ZFYVE1: variants seen among roughly 807,000 people sequenced by gnomAD.
ZFYVE1 encodes the protein zinc finger FYVE domain-containing protein 1.
ZFYVE1 carries 30 observed loss-of-function variants against 74.4 expected under a neutral mutation model. The observed-to-expected ratio is 0.40, with a 90% CI of 0.30 to 0.55. ZFYVE1 has a LOEUF of 0.55. Ranked by LOEUF, ZFYVE1 falls within the 20% of genes least tolerant of loss-of-function variation. The pLI is 0.42. For missense variants in ZFYVE1, 703 were observed against 1,011.6 expected (o/e 0.69, Z 4.14); for synonymous variants, 335 against 385.1 (o/e 0.87, Z 1.52).
chr14:72,985,612 G>A (rs4903084), intron 4 of ZFYVE1, among the ~76,000 whole-genome samples: 37,952 of 151,502 alleles, frequency 0.25, 5,494 homozygotes, highest in African/African-American at 0.39. Context: ...GGTTACAGGC[G>A]TGAGCCACCG....
At chr14:72,981,388 G>A (rs569149361) in intron 5 of ZFYVE1, among the ~76,000 whole-genome samples, 1 of 152,032 alleles carries the variant, frequency 6.6e-6, no homozygotes, top group South Asian at 2.1e-4. Flanking sequence ...GTTTTGCACA[G>A]GGGGGGCACT....
chr14:73,016,212 C>G (rs12897762), intron 2 of ZFYVE1, among the ~76,000 whole-genome samples: 42,351 of 152,078 alleles, frequency 0.28, 6,738 homozygotes, highest in Middle Eastern at 0.39. Flanking sequence ...TTTATTATGA[C>G]CTCTAAATAA....
chr14:72,977,806 A>C lies in ZFYVE1; in HGVS notation c.1635+121T>G, dbSNP rs551433150. The C allele has an allele frequency of 3.6e-6, 4 of 1,101,352 alleles. No individual in the cohort carries two copies. In the South Asian group the frequency reaches 4.9e-5, roughly 14 times the overall value. The allele number at this position is 1,101,352 out of a possible 1,614,324, so 68.2% of individuals were successfully genotyped here. ...AAGCTCTCCAGATCATGCCTTTCTA[A>C]ACCGCCAACATTCTGAAATTCATGG... is the stretch of plus-strand genomic sequence containing the variant. On this transcript the variant is annotated intron_variant, in intron 8 of 11. Coordinates refer to ENST00000556143, the MANE Select transcript of ZFYVE1 (RefSeq NM_021260.4).
chr14:73,011,664 C>T (rs564551326), intron 2 of ZFYVE1, among the ~76,000 whole-genome samples: 5 of 151,010 alleles, frequency 3.3e-5, no homozygotes, highest in South Asian at 4.2e-4. Context: ...GGATTACAGG[C>T]GCCTACCACC....
At chr14:73,012,973 T>C (rs1030961550) in intron 2 of ZFYVE1, among the ~76,000 whole-genome samples, 1 of 152,162 alleles carries the variant, frequency 6.6e-6, no homozygotes, top group African/African-American at 2.4e-5. Flanking sequence ...AATTCTGGAT[T>C]GCTCAGGATC....
chr14:73,010,768 T>TAA lies in ZFYVE1; in HGVS notation c.484-12455_484-12454dup, dbSNP rs35771113. The stretch of plus-strand genomic sequence containing the variant: ...CTGGGTGACAGAGCAAGACTCCATC[T>TAA]AAAAAAAAAAAAAAAAAAAAAAAAC... On this transcript the variant is annotated intron_variant, in intron 2 of 11. Coordinates refer to ENST00000556143, the MANE Select transcript of ZFYVE1 (RefSeq NM_021260.4). Among the ~76,000 whole-genome samples the TAA allele has an allele frequency of 1.9e-3, 110 of 58,910 alleles. 2 individuals carry two copies. Among genetic ancestry groups the TAA allele is most frequent in the African/African-American group, 6.4e-3 (81 of 12,728 alleles). 38.6% of individuals were successfully genotyped at this position (58,910 alleles called of 152,430 possible). A position where few individuals can be genotyped will look rare whatever the true frequency, so the allele number is the denominator to read the frequency against.
Position 72,970,621 on chromosome 14 carries a change from A to G in ZFYVE1, c.*261T>C, listed in dbSNP as rs1893007219. On this transcript the variant is annotated 3_prime_UTR_variant, in exon 12 of 12. Coordinates refer to ENST00000556143, the MANE Select transcript of ZFYVE1 (RefSeq NM_021260.4). ...ATGAGAGAGAGATATACACATATAT[A>G]TTCATTATTTTTAACTGAAATAAAT... is the stretch of plus-strand genomic sequence containing the variant. 4 of 536,470 alleles carry G rather than the reference A, an allele frequency of 7.5e-6. No individual in the cohort carries two copies. The highest frequency in any genetic ancestry group is 3.4e-6 in the Non-Finnish European group (1 of 297,768). 33.2% of individuals were successfully genotyped at this position (536,470 alleles called of 1,614,324 possible). A position where few individuals can be genotyped will look rare whatever the true frequency, so the allele number is the denominator to read the frequency against.
chr14:72,990,762 C>T (rs1045457953), intron 4 of ZFYVE1, among the ~76,000 whole-genome samples: 3 of 130,222 alleles, frequency 2.3e-5, no homozygotes, highest in African/African-American at 8.6e-5. Context: ...CAGTGGCGCA[C>T]TGTACTCGGC....
intron 5 of ZFYVE1, among the ~76,000 whole-genome samples, chr14:72,981,141 G>A (rs1758872735): frequency 6.6e-6 from 1 of 152,214 alleles, no homozygotes; most frequent in African/African-American, 2.4e-5. Flanking sequence ...CACAATTGAA[G>A]TTTCGGAAGC....
chr14:72,983,453 T>C (rs1567348956), intron 4 of ZFYVE1, among the ~76,000 whole-genome samples: 1 of 150,240 alleles, frequency 6.7e-6, no homozygotes, highest in Non-Finnish European at 1.5e-5. Context: ...CATGCGGTGT[T>C]TGGTTTTTTG....
At chr14:72,991,547 C>T (rs186490272) in intron 4 of ZFYVE1, among the ~76,000 whole-genome samples, 36 of 152,002 alleles carry the variant, frequency 2.4e-4, no homozygotes, top group Admixed American at 2.4e-3. Context: ...AAAGGAGCTG[C>T]TATAATCCAG....
chr14:73,024,562 C>T lies in ZFYVE1; in HGVS notation c.-54G>A, dbSNP rs80259615. On this transcript the variant is annotated 5_prime_UTR_variant, in exon 2 of 12. Transcript: ENST00000556143. ...CATATAATAGTCACTGAGCTTGCCCCGGGGGTGAAGACGAAGATTTGAGTC... is the reference window on the plus strand; with the variant it reads ...CATATAATAGTCACTGAGCTTGCCCTGGGGGTGAAGACGAAGATTTGAGTC... 0.089 allele frequency: 136,404 copies of T among 1,524,072 alleles called. 6,972 individuals are homozygous for T. Among genetic ancestry groups the T allele is most frequent in the South Asian group, 0.18 (13,404 of 75,746 alleles). 94.4% of individuals were successfully genotyped at this position (1,524,072 alleles called of 1,614,324 possible). A position where few individuals can be genotyped will look rare whatever the true frequency, so the allele number is the denominator to read the frequency against.
Position 72,998,106 on chromosome 14 carries a change from T to G in ZFYVE1, c.693A>C (p.Val231=). ...GGAGCCCTTCCGTATCGATCACTGC[T>G]ACTTTGTGAACTGGGTCATAGGCTG... is the stretch of plus-strand genomic sequence containing the variant. ...VWAAYDPVHK[V]AVIDTEGLLG... Residue 231 remains valine, a synonymous_variant, in exon 3 of 12, where the codon GTA becomes GTC. Coordinates refer to ENST00000556143, the MANE Select transcript of ZFYVE1 (RefSeq NM_021260.4). The G allele has an allele frequency of 1.2e-6, 2 of 1,614,066 alleles. No individual in the cohort carries two copies. Among genetic ancestry groups the G allele is most frequent in the South Asian group, 2.2e-5 (2 of 91,070 alleles).
intron 2 of ZFYVE1, among the ~76,000 whole-genome samples, chr14:73,010,989 T>C (rs1027701154): frequency 6.6e-6 from 1 of 151,726 alleles, no homozygotes; most frequent in African/African-American, 2.4e-5. Context: ...TATAAATTCA[T>C]TTTACAAAGG....
At chr14:72,979,337 C>T (rs2140347557) in intron 5 of ZFYVE1, 1 of 201,072 alleles carries the variant, frequency 5.0e-6, no homozygotes, top group Admixed American at 5.2e-5. Flanking sequence ...TCGACTCTAC[C>T]AAAAATACAA....
At position 72,975,440 on chromosome 14, in the gene ZFYVE1, C is replaced by G; in HGVS notation, c.1806+111G>C. 7.2e-7 allele frequency: 1 copy of G among 1,398,028 alleles called. No individual in the cohort carries two copies. Among genetic ancestry groups the G allele is most frequent in the Non-Finnish European group, 9.6e-7 (1 of 1,036,782 alleles). 86.6% of individuals were successfully genotyped at this position (1,398,028 alleles called of 1,614,324 possible). On this transcript the variant is annotated intron_variant, in intron 9 of 11. Coordinates refer to ENST00000556143, the MANE Select transcript of ZFYVE1 (RefSeq NM_021260.4). The surrounding 1 kb of genome is among the most constrained non-coding windows in gnomAD (Gnocchi z 4.1). ...GCCGGTACTCACAGAGCTCACTGCA[C>G]TGGCAGAAAATGTTTGCGTCTCCCT...
intron 4 of ZFYVE1, 94 bp downstream of exon 4, chr14:72,993,049 T>C (rs1893657456): frequency 1.6e-6 from 2 of 1,259,994 alleles, no homozygotes; most frequent in South Asian, 3.3e-5. Context: ...CACCCAGATT[T>C]CCAATCACCA....
intron 2 of ZFYVE1, among the ~76,000 whole-genome samples, chr14:73,008,742 G>T (rs1894030088): frequency 1.3e-5 from 2 of 152,134 alleles, no homozygotes; most frequent in Non-Finnish European, 1.5e-5. Context: ...TCCATATTTG[G>T]CCAGCTGTGA....
At chr14:72,985,357 C>T (rs1040509308) in intron 4 of ZFYVE1, among the ~76,000 whole-genome samples, 1 of 151,908 alleles carries the variant, frequency 6.6e-6, no homozygotes, top group Non-Finnish European at 1.5e-5. Context: ...GTTATTGAGA[C>T]AGTCTCGCTC....
Sources: gnomAD v4.1 joint callset for allele counts (sites outside exome capture counted in the v4.1 genomes callset) on GRCh38, gnomAD v4.1.1 for gene constraint, Gnocchi (gnomAD v3.1) non-coding constraint, MANE v1.5 for transcripts, NCBI Gene and HGNC (gene_info 2026-07-23, HGNC 2026-07-21) for gene names.